Variants in FABP12 observed in about 807,000 individuals in gnomAD.
The protein encoded by FABP12 is fatty acid-binding protein 12.
Under a neutral mutation model 13.7 loss-of-function variants are expected in FABP12, and 19 were observed. The ratio of observed to expected loss-of-function variants is 1.39; its 90% CI spans 0.97 to 2.04. FABP12 has a LOEUF of 2.04. FABP12 is among the 30% of genes most tolerant of loss of function. The pLI, the probability that FABP12 is intolerant of heterozygous loss-of-function variation, is 0.00. For missense variants in FABP12, 182 were observed against 164.2 expected, an observed-to-expected ratio of 1.11 and a Z score of -0.59; for synonymous variants, 61 against 57.0, an observed-to-expected ratio of 1.07 and a Z score of -0.32.
At chr8:81,554,680 A>G (rs760511276) in intron 1 of FABP12, among the ~76,000 whole-genome samples, 1 of 152,148 alleles carries the variant, frequency 6.6e-6, no homozygotes, top group Non-Finnish European at 1.5e-5. Flanking sequence ...AAGAACAAGA[A>G]CCAACCTTGA....
At chr8:81,527,921 C>T (rs7008967) in intron 3 of FABP12, among the ~76,000 whole-genome samples, 21,186 of 151,540 alleles carry the variant, frequency 0.14, 2,662 homozygotes, top group African/African-American at 0.34. Flanking sequence ...ATTGTACCAC[C>T]GCACTCCAGC....
At chr8:81,589,453 C>T (rs1217520443) in intron 1 of FABP12, among the ~76,000 whole-genome samples, 1 of 152,034 alleles carries the variant, frequency 6.6e-6, no homozygotes, top group Non-Finnish European at 1.5e-5. Context: ...GACAAAAACA[C>T]AGGGGATCCA....
chr8:81,545,217 C>A (rs1435721670), intron 1 of FABP12, among the ~76,000 whole-genome samples: 1 of 152,154 alleles, frequency 6.6e-6, no homozygotes, highest in Non-Finnish European at 1.5e-5. Context: ...CATAAGTGAA[C>A]AAGAAGTTGT....
intron 3 of FABP12, among the ~76,000 whole-genome samples, chr8:81,528,359 A>G (rs547616665): frequency 2.6e-5 from 4 of 152,328 alleles, no homozygotes; most frequent in Non-Finnish European, 5.9e-5. Context: ...GATTACAGGC[A>G]TGAGCTACCG....
At chr8:81,557,487 G>A (rs570124581) in intron 1 of FABP12, among the ~76,000 whole-genome samples, 155 of 152,096 alleles carry the variant, frequency 1.0e-3, no homozygotes, top group African/African-American at 3.7e-3. Flanking sequence ...TCAAATTTTC[G>A]AGGATTTTCT....
rs372403070 is a variant in FABP12 at position 81,531,228 on chromosome 8, G to C, written c.73+15C>G. The C allele has an allele frequency of 1.3e-6, 2 of 1,591,150 alleles. No homozygotes were observed. The highest frequency in any genetic ancestry group is 1.7e-6 in the Non-Finnish European group (2 of 1,163,702). On this transcript the variant is annotated intron_variant, in intron 2 of 4. Coordinates refer to ENST00000360464, the Ensembl canonical transcript of FABP12. ...CATTTTTACTGGATATGATATGCAAGTAAACATAGCTCACCCAGCTCCTTC... is the reference window on the plus strand; with the variant it reads ...CATTTTTACTGGATATGATATGCAACTAAACATAGCTCACCCAGCTCCTTC...
chr8:81,552,718 T>A (rs1448151302), intron 1 of FABP12, among the ~76,000 whole-genome samples: 2 of 152,144 alleles, frequency 1.3e-5, no homozygotes, highest in African/African-American at 4.8e-5. Context: ...CTGATAAATC[T>A]CAAATGCTTT....
At chr8:81,531,975 G>A (rs1377152839) in intron 1 of FABP12, among the ~76,000 whole-genome samples, 3 of 151,306 alleles carry the variant, frequency 2.0e-5, no homozygotes, top group Middle Eastern at 3.2e-3. Context: ...ACACAGCCCT[G>A]TTACTGACAC....
intron 1 of FABP12, among the ~76,000 whole-genome samples, chr8:81,549,837 C>T (rs956875401): frequency 2.0e-5 from 3 of 152,166 alleles, no homozygotes; most frequent in African/African-American, 7.2e-5. Flanking sequence ...ACAAAGAACA[C>T]TAGAAATTTT....
chr8:81,585,116 T>C (rs1810223228), intron 1 of FABP12, among the ~76,000 whole-genome samples: 1 of 152,214 alleles, frequency 6.6e-6, no homozygotes, highest in Non-Finnish European at 1.5e-5. Flanking sequence ...TTTTCGGTTT[T>C]GTTTCCTGTG....
intron 1 of FABP12, among the ~76,000 whole-genome samples, chr8:81,550,162 A>G (rs1295324528): frequency 6.6e-6 from 1 of 152,200 alleles, no homozygotes; most frequent in Non-Finnish European, 1.5e-5. Context: ...TATTAAAGAA[A>G]TATGTATTGG....
intron 1 of FABP12, among the ~76,000 whole-genome samples, chr8:81,576,636 C>A (rs1048857621): frequency 6.6e-6 from 1 of 152,016 alleles, no homozygotes; most frequent in Non-Finnish European, 1.5e-5. Context: ...AAATTGTTTC[C>A]TTTTTTAACA....
Position 81,576,751 on chromosome 8 carries a change from G to T in FABP12, c.-185+13302C>A, listed in dbSNP as rs141926200. Reference sequence around the variant, plus strand: ...AATCTGAGTGGCTTAAAACCACAAAGTTTTATTTCTAGCTCATGCTATATG... The same window carrying T: ...AATCTGAGTGGCTTAAAACCACAAATTTTTATTTCTAGCTCATGCTATATG... On this transcript the variant is annotated intron_variant, in intron 1 of 5. Transcript: ENST00000692030. Among the ~76,000 whole-genome samples the T allele has an allele frequency of 2.7e-3, 406 of 152,234 alleles. 3 individuals are homozygous for T. Among genetic ancestry groups the T allele is most frequent in the Non-Finnish European group, 4.8e-3 (329 of 68,022 alleles).
intron 1 of FABP12, among the ~76,000 whole-genome samples, chr8:81,560,371 T>C (rs1182310926): frequency 1.3e-5 from 2 of 152,228 alleles, no homozygotes; most frequent in Admixed American, 6.5e-5. Flanking sequence ...AATTTACAAA[T>C]TGAAGGAAAA....
At chr8:81,558,563 C>T (rs1809661572) in intron 1 of FABP12, among the ~76,000 whole-genome samples, 1 of 152,092 alleles carries the variant, frequency 6.6e-6, no homozygotes. Flanking sequence ...TCAGGGGTCA[C>T]ATAGCCGAGA....
chr8:81,529,658 A>G (rs765274744), intron 2 of FABP12, 48 bp from the exon 3 acceptor site: 34 of 1,487,698 alleles, frequency 2.3e-5, no homozygotes, highest in Non-Finnish European at 3.0e-5. Context: ...AAAGAATTAC[A>G]AATACATTAC....
intron 1 of FABP12, among the ~76,000 whole-genome samples, chr8:81,540,123 A>G (rs1238665816): frequency 6.6e-6 from 1 of 152,232 alleles, no homozygotes; most frequent in Admixed American, 6.5e-5. Context: ...AGTAGTTCTC[A>G]AAGTGTGGGC....
chr8:81,578,126 T>C (rs897825869), intron 1 of FABP12, among the ~76,000 whole-genome samples: 15 of 152,230 alleles, frequency 9.9e-5, no homozygotes, highest in Non-Finnish European at 2.9e-5. Context: ...TCGTTTAATA[T>C]AGGTGCAGAA....
At chr8:81,580,447 T>C (rs1194118476) in intron 1 of FABP12, among the ~76,000 whole-genome samples, 4 of 152,162 alleles carry the variant, frequency 2.6e-5, no homozygotes, top group Non-Finnish European at 5.9e-5. Flanking sequence ...GCTCATTAAA[T>C]AAAACTCTTC....
Sources: allele counts gnomAD v4.1 joint callset (sites outside exome capture counted in the v4.1 genomes callset), GRCh38; gene constraint gnomAD v4.1.1; transcripts MANE v1.5; gene names NCBI Gene and HGNC (gene_info 2026-07-23, HGNC 2026-07-21).